The following SLC25A16 variants were observed in gnomAD, a reference collection of about 807,000 sequenced individuals.
The protein encoded by SLC25A16 is mitochondrial coenzyme A transporter SLC25A16.
Under a neutral mutation model 41.5 loss-of-function variants are expected in SLC25A16, and 39 were observed. The ratio of observed to expected loss-of-function variants is 0.94; its 90% CI spans 0.73 to 1.23. The LOEUF is 1.23. SLC25A16 is among the 50% of genes most tolerant of loss of function. The pLI is 0.00. For missense variants in SLC25A16, 421 were observed against 426.9 expected (o/e 0.99, Z 0.12); for synonymous variants, 146 against 147.8 (o/e 0.99, Z 0.09).
Position 68,483,354 on chromosome 10 carries a change from A to C in SLC25A16, c.*78T>G. The stretch of plus-strand genomic sequence containing the variant: ...CAGGGTAAATATCCCCATTCAAGTA[A>C]TGTTCCCCCCACAATTATAGTAATG... On this transcript the variant is annotated 3_prime_UTR_variant, in exon 9 of 9. Coordinates refer to ENST00000609923, the MANE Select transcript of SLC25A16 (RefSeq NM_152707.4). 2.1e-6 allele frequency: 2 copies of C among 930,484 alleles called. No homozygotes were observed. The highest frequency in any genetic ancestry group is 3.2e-6 in the Non-Finnish European group (2 of 625,512). 57.6% of individuals were successfully genotyped at this position (930,484 alleles called of 1,614,324 possible).
Position 68,484,456 on chromosome 10 carries a change from C to T in SLC25A16, c.843-868G>A, listed in dbSNP as rs906897565. Among the ~76,000 whole-genome samples the T allele has an allele frequency of 8.0e-5, 11 of 137,644 alleles. No homozygotes were observed. In the East Asian group the frequency reaches 1.5e-3, roughly 19 times the overall value. The allele number at this position is 137,644 out of a possible 152,430, so 90.3% of individuals were successfully genotyped here. A position where few individuals can be genotyped will look rare whatever the true frequency, so the allele number is the denominator to read the frequency against. On this transcript the variant is annotated intron_variant, in intron 8 of 8. Coordinates refer to ENST00000609923, the MANE Select transcript of SLC25A16 (RefSeq NM_152707.4). Reference sequence around the variant, plus strand: ...TTTTTTTTTTTTTAAGAGACAGGTTCTCACTCTGTTGCCTAGGCTGGAGTG... The same window carrying T: ...TTTTTTTTTTTTTAAGAGACAGGTTTTCACTCTGTTGCCTAGGCTGGAGTG...
chr10:68,523,814 C>T (rs1167143050), intron 1 of SLC25A16, among the ~76,000 whole-genome samples: 1 of 152,070 alleles, frequency 6.6e-6, no homozygotes, highest in Non-Finnish European at 1.5e-5. Flanking sequence ...AATTAAATCC[C>T]GAGGCCTGGA....
At chr10:68,490,685 G>A (rs2052641435) in intron 6 of SLC25A16, among the ~76,000 whole-genome samples, 2 of 149,782 alleles carry the variant, frequency 1.3e-5, no homozygotes, top group Admixed American at 1.3e-4. Flanking sequence ...CAAAAGTGAA[G>A]GGGAAAAAAA....
At chr10:68,496,482 C>A in intron 4 of SLC25A16, 1 of 984,864 alleles carries the variant, frequency 1.0e-6, no homozygotes, top group Non-Finnish European at 1.2e-6. Context: ...TTTACAACTA[C>A]AATCCAATAC....
chr10:68,511,981 T>G (rs1001580375), intron 2 of SLC25A16, among the ~76,000 whole-genome samples: 1 of 152,072 alleles, frequency 6.6e-6, no homozygotes, highest in South Asian at 2.1e-4. Context: ...CTCAGCCTCC[T>G]TAGTAGCTGG....
chr10:68,489,438 G>C (rs1323616619), intron 6 of SLC25A16, among the ~76,000 whole-genome samples: 2 of 152,100 alleles, frequency 1.3e-5, no homozygotes, highest in East Asian at 3.8e-4. Context: ...AAAACACGTA[G>C]AATCTGATAA....
At position 68,527,494 on chromosome 10, in the gene SLC25A16, C is replaced by T. The variant is rs2053359290; in HGVS notation, c.-119G>A. ...CCCCGCCGGCGGGGCAAAGTAACAC[C>T]CGGCGGCGCGGCGCCGGCTGATGGC... On this transcript the variant is annotated 5_prime_UTR_variant, in exon 1 of 9. Transcript: ENST00000609923. 1 of 997,408 alleles carries T rather than the reference C, an allele frequency of 1.0e-6. No homozygotes were observed. The highest frequency in any genetic ancestry group is 1.8e-5 in the South Asian group (1 of 55,044). 61.8% of individuals were successfully genotyped at this position (997,408 alleles called of 1,614,324 possible).
At chr10:68,513,629 C>T (rs1463761548) in intron 2 of SLC25A16, among the ~76,000 whole-genome samples, 1 of 152,132 alleles carries the variant, frequency 6.6e-6, no homozygotes, top group Non-Finnish European at 1.5e-5. Context: ...GTGGCTCATG[C>T]CTGTAATCCC....
chr10:68,490,344 C>CTT (rs759118592), intron 6 of SLC25A16, among the ~76,000 whole-genome samples: 4 of 139,822 alleles, frequency 2.9e-5, no homozygotes, highest in Admixed American at 7.2e-5. Context: ...AAAGAAGAGA[C>CTT]TTTTTTTTTT....
intron 1 of SLC25A16, among the ~76,000 whole-genome samples, chr10:68,526,637 C>A (rs10998249): frequency 0.084 from 12,725 of 152,186 alleles, 771 homozygotes; most frequent in South Asian, 0.24. Context: ...CACCCCTACA[C>A]AACCCAGAGA....
At chr10:68,486,198 A>G (rs2052557417) in intron 8 of SLC25A16, among the ~76,000 whole-genome samples, 1 of 145,158 alleles carries the variant, frequency 6.9e-6, no homozygotes, top group Non-Finnish European at 1.5e-5. Context: ...AGCCTGGGGG[A>G]CAAGAGTGAG....
In SLC25A16 at chr10:68,506,183, T is replaced by C. The variant is rs564504773; in HGVS notation, c.357+402A>G. 2.0e-5 allele frequency among the ~76,000 whole-genome samples: 3 copies of C among 152,318 alleles called. No homozygotes were observed. In the South Asian group the frequency reaches 6.2e-4, roughly 32 times the overall value. On this transcript the variant is annotated intron_variant, in intron 3 of 8. Coordinates refer to ENST00000609923, the MANE Select transcript of SLC25A16 (RefSeq NM_152707.4). Reference sequence around the variant, plus strand: ...AGGCATTGCTATATCAAAAGTAACTTTTTGGCCTGGTACCATGGCTCATGC... The same window carrying C: ...AGGCATTGCTATATCAAAAGTAACTCTTTGGCCTGGTACCATGGCTCATGC...
Position 68,498,425 on chromosome 10 carries a change from C to T in SLC25A16, c.422-4855G>A, listed in dbSNP as rs2052787961. Among the ~76,000 whole-genome samples, 4 of 151,486 alleles carry T rather than the reference C, an allele frequency of 2.6e-5. 1 individual carries two copies. The South Asian group carries it at 6.3e-4, about 24-fold the overall frequency. ...ATTTGGAAGGCCAGGCGCAGTGGCA[C>T]GTGTCTGTAGTCCTAGCTACTTGGG... On this transcript the variant is annotated intron_variant, in intron 4 of 8. Coordinates refer to ENST00000609923, the MANE Select transcript of SLC25A16 (RefSeq NM_152707.4).
At chr10:68,510,340 T>C (rs1486952976) in intron 2 of SLC25A16, among the ~76,000 whole-genome samples, 1 of 149,264 alleles carries the variant, frequency 6.7e-6, no homozygotes, top group Non-Finnish European at 1.5e-5. Context: ...AAGACAAGCC[T>C]GGCCAACATG....
intron 7 of SLC25A16, among the ~76,000 whole-genome samples, chr10:68,487,719 A>C (rs12767599): frequency 0.22 from 32,945 of 152,096 alleles, 4,426 homozygotes; most frequent in African/African-American, 0.36. Flanking sequence ...GGTAAAATCA[A>C]CCCCAGTAGA....
Position 68,487,202 on chromosome 10 carries a change from C to G in SLC25A16, c.784G>C (p.Asp262His), listed in dbSNP as rs2052579132. 1 of 1,613,410 alleles carries G rather than the reference C, an allele frequency of 6.2e-7. No homozygotes were observed. The highest frequency in any genetic ancestry group is 8.5e-7 in the Non-Finnish European group (1 of 1,179,756). ...AATTGCATTCGCCGACGAGTCACATCAAATGGGTAGCTAAAAGAAGAAAAA... is the reference window on the plus strand; with the variant it reads ...AATTGCATTCGCCGACGAGTCACATGAAATGGGTAGCTAAAAGAAGAAAAA... ...AIAQTISYPF[D>H]VTRRRMQLGT... The change falls in exon 8 of 9, where the codon GAT becomes CAT. Residue 262 changes from aspartate (D) to histidine (H), a missense_variant. By Grantham distance (81) the Asp-to-His change is moderately conservative. Transcript: ENST00000609923.
intron 3 of SLC25A16, among the ~76,000 whole-genome samples, chr10:68,505,110 G>A (rs2052929476): frequency 6.6e-6 from 1 of 152,148 alleles, no homozygotes; most frequent in African/African-American, 2.4e-5. Context: ...ACTAGCATGG[G>A]CAACACAGTG....
At chr10:68,493,664 G>A (rs1175235096) in intron 4 of SLC25A16, 94 bp from the exon 5 acceptor site, 5 of 971,148 alleles carry the variant, frequency 5.1e-6, no homozygotes, top group African/African-American at 1.6e-5. Context: ...TTATGGCAAT[G>A]GTGAAAACCC....
chr10:68,483,580 C>A lies in SLC25A16; in HGVS notation c.851G>T (p.Arg284Leu). The A allele has an allele frequency of 6.3e-7, 1 of 1,598,404 alleles. No homozygotes were observed. The highest frequency in any genetic ancestry group is 1.1e-5 in the South Asian group (1 of 87,262). ...TCCATAGACATACTTCATAGTATCC[C>A]GCATGGTACTGAAAGACAATGATTA... ...LPEFEKCLTM[R>L]DTMKYVYGHH... The change falls in exon 9 of 9, where the codon CGG becomes CTG. Residue 284 changes from arginine (R) to leucine (L), a missense_variant. Transcript: ENST00000609923.
Sources: gnomAD v4.1 joint callset for allele counts (sites outside exome capture counted in the v4.1 genomes callset) on GRCh38, gnomAD v4.1.1 for gene constraint, MANE v1.5 for transcripts, NCBI Gene and HGNC (gene_info 2026-07-23, HGNC 2026-07-21) for gene names.